Variants in GRIP1 observed in about 807,000 individuals in gnomAD.
GRIP1 encodes the protein glutamate receptor-interacting protein 1.
Under a neutral mutation model 129.9 loss-of-function variants are expected in GRIP1, and 45 were observed. That is an observed-to-expected ratio of 0.35 (90% CI 0.27 to 0.44). The LOEUF is 0.44. GRIP1 is among the 20% of genes least tolerant of loss of function. The pLI is 1.00. For synonymous variants in GRIP1, 530 were observed against 520.8 expected (o/e 1.02, Z -0.24); for missense variants, 1,196 against 1,396.8 (o/e 0.86, Z 2.29).
At chr12:67,008,396 A>G (rs1190462958) in intron 1 of GRIP1, among the ~76,000 whole-genome samples, 1 of 152,230 alleles carries the variant, frequency 6.6e-6, no homozygotes, top group Non-Finnish European at 1.5e-5. Flanking sequence ...AAGACTTCCA[A>G]CAATAAGGCT....
intron 1 of GRIP1, among the ~76,000 whole-genome samples, chr12:66,704,939 T>C (rs538162969): frequency 1.3e-5 from 2 of 152,156 alleles, no homozygotes; most frequent in East Asian, 3.9e-4. Context: ...ATGCATCTTA[T>C]TATGCTTGTT....
At chr12:66,826,306 A>G (rs1447469570) in intron 1 of GRIP1, among the ~76,000 whole-genome samples, 1 of 152,042 alleles carries the variant, frequency 6.6e-6, no homozygotes, top group African/African-American at 2.4e-5. Flanking sequence ...CTGTCAGGGG[A>G]TGCGGGGATA....
At chr12:66,531,252 AATATATAT>A (rs71069009) in intron 4 of GRIP1, among the ~76,000 whole-genome samples, 1,025 of 18,916 alleles carry the variant, frequency 0.054, 18 homozygotes, top group Non-Finnish European at 0.064. Flanking sequence ...AAAAAAAAAA[AATATATAT>A]ATATATATAT....
At chr12:66,593,178 AT>A (rs1423502308) in intron 2 of GRIP1, among the ~76,000 whole-genome samples, 3 of 152,244 alleles carry the variant, frequency 2.0e-5, no homozygotes, top group African/African-American at 7.2e-5. Context: ...AAGTTCCCAA[AT>A]AACATGAATA....
At chr12:66,750,044 A>G (rs1322373147) in intron 1 of GRIP1, among the ~76,000 whole-genome samples, 1 of 152,166 alleles carries the variant, frequency 6.6e-6, no homozygotes, top group Non-Finnish European at 1.5e-5. Flanking sequence ...CAAACTGGAG[A>G]CAAGGCATTC....
chr12:66,482,142 G>A (rs2059824278), intron 7 of GRIP1, among the ~76,000 whole-genome samples: 2 of 152,068 alleles, frequency 1.3e-5, no homozygotes, highest in Non-Finnish European at 2.9e-5. Context: ...TGATTTCCAG[G>A]TTTCCAGAAA....
At chr12:66,826,082 G>T (rs1279731578) in intron 1 of GRIP1, among the ~76,000 whole-genome samples, 2 of 152,124 alleles carry the variant, frequency 1.3e-5, no homozygotes, top group African/African-American at 4.8e-5. Flanking sequence ...TGATAGTCTG[G>T]ATAAAGAAAA....
intron 7 of GRIP1, among the ~76,000 whole-genome samples, chr12:66,513,907 AC>A (rs1408528927): frequency 6.6e-6 from 1 of 152,124 alleles, no homozygotes; most frequent in Non-Finnish European, 1.5e-5. Flanking sequence ...AGTGGATGAG[AC>A]CTTGTCTCTC....
At chr12:66,770,563 G>A (rs987251664) in intron 1 of GRIP1, among the ~76,000 whole-genome samples, 2 of 152,144 alleles carry the variant, frequency 1.3e-5, no homozygotes, top group South Asian at 4.1e-4. Flanking sequence ...GTCAGCACCT[G>A]GAGAAGCTGG....
chr12:66,802,626 C>G (rs370373451), intron 1 of GRIP1, among the ~76,000 whole-genome samples: 8 of 152,116 alleles, frequency 5.3e-5, no homozygotes, highest in Non-Finnish European at 1.2e-4. Flanking sequence ...TTTCTACAAA[C>G]ATATATCATG....
chr12:66,691,871 C>T (rs2136317093), intron 1 of GRIP1, among the ~76,000 whole-genome samples: 1 of 152,248 alleles, frequency 6.6e-6, no homozygotes, highest in East Asian at 1.9e-4. Context: ...AATGGAAATG[C>T]ACCAACCGCT....
intron 1 of GRIP1, among the ~76,000 whole-genome samples, chr12:66,879,013 A>G (rs957006016): frequency 6.6e-6 from 1 of 151,992 alleles, no homozygotes; most frequent in Non-Finnish European, 1.5e-5. Flanking sequence ...AGGGGCAGGG[A>G]GATGAAGCAG....
At position 66,572,660 on chromosome 12, in the gene GRIP1, C is replaced by A. The variant is rs1223974522; in HGVS notation, c.136+24187G>T. Reference sequence around the variant, plus strand: ...GGTAATCTCAGGTGACCTTCAGGAGCTATCTGGCTCAACGCCTATTTCCAT... The same window carrying A: ...GGTAATCTCAGGTGACCTTCAGGAGATATCTGGCTCAACGCCTATTTCCAT... On this transcript the variant is annotated intron_variant, in intron 2 of 24. Coordinates refer to ENST00000359742, the MANE Select transcript of GRIP1 (RefSeq NM_001366722.1). Among the ~76,000 whole-genome samples the A allele has an allele frequency of 2.0e-5, 3 of 152,178 alleles. No homozygotes were observed. The East Asian group carries it at 5.8e-4, about 29-fold the overall frequency.
chr12:66,892,149 G>A (rs1031771426), intron 1 of GRIP1, among the ~76,000 whole-genome samples: 1 of 152,158 alleles, frequency 6.6e-6, no homozygotes, highest in Non-Finnish European at 1.5e-5. Context: ...GTCCAGAGAT[G>A]ATAGTAGGGA....
chr12:66,466,236 A>G (rs1193342029), intron 7 of GRIP1, among the ~76,000 whole-genome samples: 3 of 152,226 alleles, frequency 2.0e-5, no homozygotes, highest in African/African-American at 7.2e-5. Context: ...CTGTTGTAGC[A>G]TACATCTCAC....
At chr12:66,570,216 C>A (rs925568536) in intron 2 of GRIP1, among the ~76,000 whole-genome samples, 1 of 152,114 alleles carries the variant, frequency 6.6e-6, no homozygotes, top group Non-Finnish European at 1.5e-5. Context: ...TTCCTGGGCT[C>A]AAGTGATCCT....
chr12:66,475,364 C>T (rs1267739880), intron 7 of GRIP1, among the ~76,000 whole-genome samples: 1 of 151,954 alleles, frequency 6.6e-6, no homozygotes, highest in Admixed American at 6.6e-5. Context: ...ACTTAGACTC[C>T]CACACAATAA....
chr12:66,391,104 G>A (rs906098829), intron 19 of GRIP1, among the ~76,000 whole-genome samples: 5 of 152,120 alleles, frequency 3.3e-5, no homozygotes, highest in African/African-American at 1.2e-4. Context: ...TAGGCAGGCT[G>A]AGAGAAGGAA....
At chr12:66,695,547 C>T (rs550267504) in intron 1 of GRIP1, among the ~76,000 whole-genome samples, 1 of 152,100 alleles carries the variant, frequency 6.6e-6, no homozygotes, top group Non-Finnish European at 1.5e-5. Context: ...AAAGCCCTTG[C>T]TAGGCAGGTA....
Sources: allele counts gnomAD v4.1 joint callset (sites outside exome capture counted in the v4.1 genomes callset), GRCh38; gene constraint gnomAD v4.1.1; transcripts MANE v1.5; gene names NCBI Gene and HGNC (gene_info 2026-07-23, HGNC 2026-07-21).